HPCAL1: variants seen among roughly 807,000 people sequenced by gnomAD.
The protein encoded by HPCAL1 is hippocalcin-like protein 1.
Under a neutral mutation model 17.1 loss-of-function variants are expected in HPCAL1, and 8 were observed. That is an observed-to-expected ratio of 0.47 (90% confidence interval 0.27 to 0.84). HPCAL1 has a LOEUF of 0.84. HPCAL1 is among the 40% of genes least tolerant of loss of function. The pLI, the probability that HPCAL1 is intolerant of heterozygous loss-of-function variation, is 0.13. For synonymous variants in HPCAL1, 112 were observed against 111.4 expected (o/e 1.01, Z -0.03); for missense variants, 165 against 271.1 (o/e 0.61, Z 2.75).
In HPCAL1 at chr2:10,365,248, G is replaced by C. The variant is rs972009666; in HGVS notation, c.-110-31587G>C. Among the ~76,000 whole-genome samples the C allele has an allele frequency of 1.3e-5, 2 of 152,228 alleles. No homozygotes were observed. The highest frequency in any genetic ancestry group is 1.3e-4 in the Admixed American group (2 of 15,284). Reference sequence around the variant, plus strand: ...CCTTGCTCCTCTTGGATGGTATTGGGTGGCATTCCAGGACAGCTGGGATCT... The same window carrying C: ...CCTTGCTCCTCTTGGATGGTATTGGCTGGCATTCCAGGACAGCTGGGATCT... On this transcript the variant is annotated intron_variant, in intron 1 of 4. Coordinates refer to ENST00000307845, the MANE Select transcript of HPCAL1 (RefSeq NM_002149.4). This position sits in a 1 kb window ranked among gnomAD's most constrained non-coding sequence, Gnocchi z 4.8.
intron 3 of HPCAL1, among the ~76,000 whole-genome samples, chr2:10,421,362 C>A (rs532126596): frequency 2.0e-5 from 3 of 152,316 alleles, no homozygotes; most frequent in African/African-American, 7.2e-5. Flanking sequence ...GAGTAGAGAG[C>A]AGAGCTGCCC....
In HPCAL1 at chr2:10,331,302, C is replaced by T. The variant is rs928810886; in HGVS notation, c.-111+28125C>T. On this transcript the variant is annotated intron_variant, in intron 1 of 4. Transcript: ENST00000307845. This position sits in a 1 kb window ranked among gnomAD's most constrained non-coding sequence, Gnocchi z 5.0. ...CCTCCTGAGCCCACAGGCGCCCTTCCTGTCACCCGAGCGCCCTCTCCTTCC... is the reference window on the plus strand; with the variant it reads ...CCTCCTGAGCCCACAGGCGCCCTTCTTGTCACCCGAGCGCCCTCTCCTTCC... Among the ~76,000 whole-genome samples, 6 of 152,140 alleles carry T rather than the reference C, an allele frequency of 3.9e-5. No homozygotes were observed. The highest frequency in any genetic ancestry group is 1.4e-4 in the African/African-American group (6 of 41,436).
intron 2 of HPCAL1, among the ~76,000 whole-genome samples, chr2:10,402,236 T>C (rs1415241342): frequency 6.6e-6 from 1 of 151,816 alleles, no homozygotes; most frequent in Non-Finnish European, 1.5e-5. Flanking sequence ...AAAGAAGGAG[T>C]TCCTGTCTTG....
At chr2:10,326,104 G>T (rs142647403) in intron 1 of HPCAL1, among the ~76,000 whole-genome samples, 1 of 152,184 alleles carries the variant, frequency 6.6e-6, no homozygotes, top group African/African-American at 2.4e-5. Context: ...CTCTGGGTTC[G>T]ACACCATCTC....
chr2:10,370,801 G>A (rs552685280), intron 1 of HPCAL1, among the ~76,000 whole-genome samples: 8 of 152,328 alleles, frequency 5.3e-5, no homozygotes, highest in African/African-American at 1.2e-4. Flanking sequence ...TAGCAACAGC[G>A]TTCTGGGAGG....
At chr2:10,385,226 G>A (rs1043480435) in intron 1 of HPCAL1, among the ~76,000 whole-genome samples, 1 of 152,202 alleles carries the variant, frequency 6.6e-6, no homozygotes, top group Admixed American at 6.5e-5. Flanking sequence ...CAGCCCCTGG[G>A]CCTGGAGAGG....
intron 1 of HPCAL1, among the ~76,000 whole-genome samples, chr2:10,337,589 C>G (rs914887171): frequency 6.6e-5 from 10 of 152,178 alleles, no homozygotes; most frequent in Admixed American, 2.0e-4. Flanking sequence ...TTCTCCACTC[C>G]TCCACTGACA....
intron 1 of HPCAL1, among the ~76,000 whole-genome samples, chr2:10,385,506 G>T (rs913457007): frequency 6.6e-6 from 1 of 152,182 alleles, no homozygotes; most frequent in South Asian, 2.1e-4. Flanking sequence ...TCTCTCGGAG[G>T]CCGGGCTGGG....
At chr2:10,335,106 T>C (rs531659150) in intron 1 of HPCAL1, among the ~76,000 whole-genome samples, 2 of 152,242 alleles carry the variant, frequency 1.3e-5, no homozygotes, top group Non-Finnish European at 2.9e-5. Context: ...GCCTCTAAGA[T>C]GCCGCCACTG....
Position 10,419,644 on chromosome 2 carries a change from A to G in HPCAL1, c.-24-90A>G. ...AGTTGCTGAGTCGCAGCGCTTGCAC[A>G]GCGATGGGCTTATTTGGTCTCTCCG... On this transcript the variant is annotated intron_variant, in intron 2 of 4. Coordinates refer to ENST00000307845, the MANE Select transcript of HPCAL1 (RefSeq NM_002149.4). This position sits in a 1 kb window ranked among gnomAD's most constrained non-coding sequence, Gnocchi z 5.0. 1 of 1,295,552 alleles carries G rather than the reference A, an allele frequency of 7.7e-7. No homozygotes were observed. The allele number at this position is 1,295,552 out of a possible 1,614,324, so 80.3% of individuals were successfully genotyped here.
At chr2:10,381,944 T>G (rs529782082) in intron 1 of HPCAL1, among the ~76,000 whole-genome samples, 5 of 152,316 alleles carry the variant, frequency 3.3e-5, no homozygotes, top group African/African-American at 1.2e-4. Context: ...TTAAAAAAAC[T>G]TATGTCCACA....
At chr2:10,308,611 A>G (rs1385083579) in intron 1 of HPCAL1, among the ~76,000 whole-genome samples, 1 of 152,182 alleles carries the variant, frequency 6.6e-6, no homozygotes, top group African/African-American at 2.4e-5. Flanking sequence ...GTGCTTGGCC[A>G]TCCCGCTGCT....
chr2:10,375,300 A>G (rs1402278144), intron 1 of HPCAL1, among the ~76,000 whole-genome samples: 2 of 152,120 alleles, frequency 1.3e-5, no homozygotes, highest in Admixed American at 1.3e-4. Context: ...ACTTAGCAAC[A>G]CTTTGTTCTT....
intron 1 of HPCAL1, among the ~76,000 whole-genome samples, chr2:10,346,685 G>A (rs746499084): frequency 6.6e-6 from 1 of 152,178 alleles, no homozygotes; most frequent in Non-Finnish European, 1.5e-5. Context: ...TTTTCCAGTA[G>A]CAGGCGTTGG....
At chr2:10,374,955 T>G (rs1334743412) in intron 1 of HPCAL1, among the ~76,000 whole-genome samples, 2 of 152,038 alleles carry the variant, frequency 1.3e-5, no homozygotes, top group South Asian at 2.1e-4. Flanking sequence ...AAGAGATGGG[T>G]TGGGGGGCCG....
At chr2:10,410,353 C>A (rs1366180276) in intron 2 of HPCAL1, among the ~76,000 whole-genome samples, 1 of 151,994 alleles carries the variant, frequency 6.6e-6, no homozygotes, top group Non-Finnish European at 1.5e-5. Context: ...ACAGGCAATA[C>A]CGACTCTGGG....
At position 10,354,343 on chromosome 2, in the gene HPCAL1, T is replaced by C. The variant is rs1043034384; in HGVS notation, c.-110-42492T>C. 1.3e-5 allele frequency: 2 copies of C among 152,380 alleles called. No individual in the cohort carries two copies. Among genetic ancestry groups the C allele is most frequent in the Middle Eastern group, 6.8e-3 (2 of 294 alleles). 9.4% of individuals were successfully genotyped at this position (152,380 alleles called of 1,614,324 possible). On this transcript the variant is annotated intron_variant, in intron 1 of 4. Coordinates refer to ENST00000307845, the MANE Select transcript of HPCAL1 (RefSeq NM_002149.4). The surrounding 1 kb of genome is among the most constrained non-coding windows in gnomAD (Gnocchi z 5.1). Reference sequence around the variant, plus strand: ...TGCATTTCAGGCACTTCAGAGGACCTTCTGGAAGCTTCCCAGGGCCTGCTA... The same window carrying C: ...TGCATTTCAGGCACTTCAGAGGACCCTCTGGAAGCTTCCCAGGGCCTGCTA...
rs1482264103 is a variant in HPCAL1 at position 10,344,062 on chromosome 2, G to A, written c.-111+40885G>A. ...GGTTACTGAGCTGTCGAAGGAGCAGGGATGAAGACTCCCTTATTAAAAACT... is the reference window on the plus strand; with the variant it reads ...GGTTACTGAGCTGTCGAAGGAGCAGAGATGAAGACTCCCTTATTAAAAACT... On this transcript the variant is annotated intron_variant, in intron 1 of 4. Coordinates refer to ENST00000307845, the MANE Select transcript of HPCAL1 (RefSeq NM_002149.4). The surrounding 1 kb of genome is among the most constrained non-coding windows in gnomAD (Gnocchi z 4.9). 6.6e-6 allele frequency among the ~76,000 whole-genome samples: 1 copy of A among 152,184 alleles called. No individual in the cohort carries two copies. Among genetic ancestry groups the A allele is most frequent in the African/African-American group, 2.4e-5 (1 of 41,450 alleles).
chr2:10,397,103 C>G (rs1168127910), intron 2 of HPCAL1, among the ~76,000 whole-genome samples, 183 bp downstream of exon 2: 1 of 152,210 alleles, frequency 6.6e-6, no homozygotes, highest in Non-Finnish European at 1.5e-5. Flanking sequence ...GGTCAGGAAA[C>G]TGCGGCTCGG....
Sources: gnomAD v4.1 joint callset for allele counts (sites outside exome capture counted in the v4.1 genomes callset) on GRCh38, gnomAD v4.1.1 for gene constraint, Gnocchi (gnomAD v3.1) non-coding constraint, MANE v1.5 for transcripts, NCBI Gene and HGNC (gene_info 2026-07-23, HGNC 2026-07-21) for gene names.